The following RABEP1 variants were observed in gnomAD, a reference collection of about 807,000 sequenced individuals.
RABEP1 encodes the protein rab GTPase-binding effector protein 1.
In RABEP1, 51 loss-of-function variants were observed where a neutral mutation model predicts 123.4. That is an observed-to-expected ratio of 0.41 (90% CI 0.33 to 0.52). The LOEUF (loss-of-function observed/expected upper bound fraction) is 0.52, where lower values mean the gene tolerates loss of function less well. Ranked by LOEUF, RABEP1 falls within the 20% of genes least tolerant of loss-of-function variation. The probability of loss-of-function intolerance (pLI) is 0.16; values close to 1 mark genes in which losing one functional copy is unlikely to be tolerated. For synonymous variants in RABEP1, 347 were observed against 355.2 expected (o/e 0.98, Z 0.26); for missense variants, 888 against 996.3 (o/e 0.89, Z 1.46).
intron 1 of RABEP1, among the ~76,000 whole-genome samples, chr17:5,307,941 G>C (rs891357160): frequency 6.6e-6 from 1 of 152,110 alleles, no homozygotes; most frequent in African/African-American, 2.4e-5. Flanking sequence ...TGGAAGAATA[G>C]TTCAGTCTGG....
intron 1 of RABEP1, among the ~76,000 whole-genome samples, chr17:5,299,948 T>TGG (rs1483234924): frequency 1.6e-4 from 24 of 152,052 alleles, no homozygotes; most frequent in African/African-American, 5.8e-4. Context: ...CAGGATGCTC[T>TGG]TGATCTCTTG....
intron 1 of RABEP1, 78 bp from the exon 2 acceptor site, chr17:5,308,616 A>C (rs1384144568): frequency 1.3e-5 from 17 of 1,299,468 alleles, no homozygotes; most frequent in Non-Finnish European, 1.7e-5. Flanking sequence ...AGCAATGTAC[A>C]GCTAGAATAC....
chr17:5,363,914 A>G (rs759394952), intron 10 of RABEP1, among the ~76,000 whole-genome samples: 122 of 152,350 alleles, frequency 8.0e-4, no homozygotes, highest in Non-Finnish European at 1.5e-3. Context: ...GTAGAAATTC[A>G]TGAGAGTGGG....
At chr17:5,319,511 C>T (rs542923383) in intron 2 of RABEP1, among the ~76,000 whole-genome samples, 83 of 151,828 alleles carry the variant, frequency 5.5e-4, no homozygotes, top group African/African-American at 1.5e-3. Context: ...GGATTACAGG[C>T]GCCCGCCACC....
chr17:5,348,274 C>T (rs537784798), intron 6 of RABEP1, among the ~76,000 whole-genome samples: 1 of 152,338 alleles, frequency 6.6e-6, no homozygotes, highest in South Asian at 2.1e-4. Flanking sequence ...CCACCACGCC[C>T]AGCCCAGATA....
chr17:5,350,912 G>C (rs754716438), intron 7 of RABEP1, among the ~76,000 whole-genome samples: 5 of 152,168 alleles, frequency 3.3e-5, no homozygotes, highest in Non-Finnish European at 7.4e-5. Flanking sequence ...CTCCTGTGCT[G>C]ACCAGTTCTC....
In RABEP1 at chr17:5,385,956, GGCAGTGT is replaced by G. The variant is rs1911924021; in HGVS notation, c.*2742_*2748del. ...ACTCAATAGGGTTCAGGGAGGTTCTGGCAGTGTGCAGTGTGAAATAATCCTGAGTCCT... is the reference window on the plus strand; with the variant it reads ...ACTCAATAGGGTTCAGGGAGGTTCTGGCAGTGTGAAATAATCCTGAGTCCT... On this transcript the variant is annotated 3_prime_UTR_variant, in exon 18 of 18. Coordinates refer to ENST00000537505, the MANE Select transcript of RABEP1 (RefSeq NM_004703.6). The G allele has an allele frequency of 1.1e-5, 5 of 437,744 alleles. No homozygotes were observed. In the South Asian group the frequency reaches 2.1e-4, roughly 19 times the overall value. The allele number at this position is 437,744 out of a possible 1,614,324, so 27.1% of individuals were successfully genotyped here.
At position 5,377,317 on chromosome 17, in the gene RABEP1, AGTGAT is replaced by A. The variant is rs1182458251; in HGVS notation, c.2215+15_2215+19del. On this transcript the variant is annotated intron_variant, in intron 14 of 17. Transcript: ENST00000537505. ...CAAGGAGGAAATAGGTGAAGATAAA[AGTGAT>A]GTAGTTTAGAATTAGAGTCACTAAA... The A allele has an allele frequency of 8.5e-5, 133 of 1,566,896 alleles. No individual in the cohort carries two copies. Among genetic ancestry groups the A allele is most frequent in the Non-Finnish European group, 1.1e-4 (132 of 1,164,824 alleles).
intron 12 of RABEP1, among the ~76,000 whole-genome samples, chr17:5,369,949 T>C (rs749711449): frequency 1.3e-5 from 2 of 152,198 alleles, no homozygotes; most frequent in African/African-American, 4.8e-5. Flanking sequence ...TCCACCCGCG[T>C]TGGCCTCCCA....
At chr17:5,309,050 G>GT (rs1197274913) in intron 2 of RABEP1, among the ~76,000 whole-genome samples, 1 of 152,032 alleles carries the variant, frequency 6.6e-6, no homozygotes, top group African/African-American at 2.4e-5. Flanking sequence ...TCATATTTAG[G>GT]TTGCATAGCC....
chr17:5,338,241 C>T, intron 5 of RABEP1, 103 bp downstream of exon 5: 2 of 1,343,912 alleles, frequency 1.5e-6, no homozygotes, highest in Non-Finnish European at 2.0e-6. Context: ...GTAATTTAGA[C>T]TATGCATCTT....
chr17:5,320,955 A>T (rs563407956), intron 2 of RABEP1, among the ~76,000 whole-genome samples: 1 of 152,228 alleles, frequency 6.6e-6, no homozygotes, highest in South Asian at 2.1e-4. Flanking sequence ...CAGTTCTCCA[A>T]TTTAAAGCCT....
Position 5,338,150 on chromosome 17 carries a change from T to C in RABEP1, c.648+12T>C. 1 of 1,604,930 alleles carries C rather than the reference T, an allele frequency of 6.2e-7. No individual in the cohort carries two copies. The highest frequency in any genetic ancestry group is 2.2e-5 in the East Asian group (1 of 44,676). ...TGGAGGCCTCAAAGGTTATGAAACA[T>C]TGTAATCCATTTGCTTGAAACCCAA... On this transcript the variant is annotated intron_variant, in intron 5 of 17. Coordinates refer to ENST00000537505, the MANE Select transcript of RABEP1 (RefSeq NM_004703.6).
chr17:5,288,605 G>T (rs1006914472), intron 1 of RABEP1, among the ~76,000 whole-genome samples: 1 of 152,130 alleles, frequency 6.6e-6, no homozygotes, highest in Non-Finnish European at 1.5e-5. Flanking sequence ...ATGTTCGTCA[G>T]GCTGGCCTCT....
chr17:5,316,667 T>C (rs1189530488), intron 2 of RABEP1, among the ~76,000 whole-genome samples: 2 of 150,706 alleles, frequency 1.3e-5, no homozygotes, highest in Non-Finnish European at 3.0e-5. Flanking sequence ...ACCCCGTATC[T>C]ACTAGAAATG....
intron 2 of RABEP1, among the ~76,000 whole-genome samples, chr17:5,326,814 A>G (rs1906016852): frequency 9.9e-5 from 15 of 152,194 alleles, no homozygotes; most frequent in Admixed American, 9.2e-4. Context: ...TATTAAAAAA[A>G]TAAGAAAATA....
intron 1 of RABEP1, among the ~76,000 whole-genome samples, chr17:5,302,002 A>G (rs72836378): frequency 1.6e-4 from 25 of 152,054 alleles, no homozygotes; most frequent in Non-Finnish European, 3.2e-4. Flanking sequence ...AGATATTTCT[A>G]TTAGACTCTA....
chr17:5,326,771 A>G lies in RABEP1; in HGVS notation c.164-5178A>G, dbSNP rs552868209. Among the ~76,000 whole-genome samples, 7 of 152,234 alleles carry G rather than the reference A, an allele frequency of 4.6e-5. No individual in the cohort carries two copies. In the South Asian group the frequency reaches 1.5e-3, roughly 32 times the overall value. On this transcript the variant is annotated intron_variant, in intron 2 of 17. Coordinates refer to ENST00000537505, the MANE Select transcript of RABEP1 (RefSeq NM_004703.6). ...GGGAAACCTCTGTATTTTCTGCTCA[A>G]TTTTGCTGAGAACCTGAAACTGCTA...
intron 2 of RABEP1, among the ~76,000 whole-genome samples, chr17:5,319,832 C>G (rs1275922711): frequency 6.6e-6 from 1 of 151,934 alleles, no homozygotes. Context: ...TTTGAAAATA[C>G]AAAGAGGACA....
Sources: allele counts gnomAD v4.1 joint callset (sites outside exome capture counted in the v4.1 genomes callset), GRCh38; gene constraint gnomAD v4.1.1; transcripts MANE v1.5; gene names NCBI Gene and HGNC (gene_info 2026-07-23, HGNC 2026-07-21).